The following DPF3 variants were observed in gnomAD, a reference collection of about 807,000 sequenced individuals.
DPF3 encodes the protein zinc finger protein DPF3.
Under a neutral mutation model 56.8 loss-of-function variants are expected in DPF3, and 18 were observed. The ratio of observed to expected loss-of-function variants is 0.32; its 90% confidence interval spans 0.22 to 0.47. DPF3 has a LOEUF of 0.47. DPF3 is among the 20% of genes least tolerant of loss of function. The pLI, the probability that DPF3 is intolerant of heterozygous loss-of-function variation, is 1.00. For synonymous variants in DPF3, 188 were observed against 180.2 expected, an observed-to-expected ratio of 1.04 and a Z score of -0.35; for missense variants, 403 against 488.8, an observed-to-expected ratio of 0.82 and a Z score of 1.65.
At chr14:72,823,722 G>A (rs2140038702) in intron 1 of DPF3, among the ~76,000 whole-genome samples, 1 of 152,300 alleles carries the variant, frequency 6.6e-6, no homozygotes, top group Non-Finnish European at 1.5e-5. Flanking sequence ...GGGCTAGGGA[G>A]GTGTATGAGT....
chr14:72,756,822 C>CAGAAAGAG lies in DPF3; in HGVS notation c.194-3452_194-3451insCTCTTTCT, dbSNP rs1197343194. Among the ~76,000 whole-genome samples the CAGAAAGAG allele has an allele frequency of 1.1e-3, 77 of 70,060 alleles. 1 individual carries two copies. Among genetic ancestry groups the CAGAAAGAG allele is most frequent in the South Asian group, 3.8e-3 (7 of 1,820 alleles). The allele number at this position is 70,060 out of a possible 152,430, so 46.0% of individuals were successfully genotyped here. ...CAAGATTCTGTGAAAGAAAGAAAGACAGAAAGAAAGAAAGAAAGAAAGAAA... is the reference window on the plus strand; with the variant it reads ...CAAGATTCTGTGAAAGAAAGAAAGACAGAAAGAGAGAAAGAAAGAAAGAAAGAAAGAAA... On this transcript the variant is annotated intron_variant, in intron 2 of 10. Transcript: ENST00000556509.
intron 1 of DPF3, among the ~76,000 whole-genome samples, chr14:72,850,251 G>A (rs919509212): frequency 2.0e-5 from 3 of 152,180 alleles, no homozygotes; most frequent in African/African-American, 4.8e-5. Flanking sequence ...TGGGTTGAAT[G>A]TGAACATCCT....
chr14:72,712,174 C>G (rs766189929), intron 6 of DPF3, among the ~76,000 whole-genome samples: 4 of 151,980 alleles, frequency 2.6e-5, no homozygotes, highest in Non-Finnish European at 4.4e-5. Context: ...TGCCGTCAGG[C>G]CTCCCAGGCA....
Position 72,616,513 on chromosome 14 carries a change from G to A in DPF3, c.*2784C>T, listed in dbSNP as rs929182439. 1.3e-5 allele frequency among the ~76,000 whole-genome samples: 2 copies of A among 152,180 alleles called. No individual in the cohort carries two copies. Among genetic ancestry groups the A allele is most frequent in the Non-Finnish European group, 2.9e-5 (2 of 68,036 alleles). On this transcript the variant is annotated 3_prime_UTR_variant, in exon 11 of 11. Coordinates refer to ENST00000556509, the MANE Select transcript of DPF3 (RefSeq NM_001280542.3). ...TAACATTGGCTAATGCACACAAGAA[G>A]GCGGACATGGAAAACATCCGGAGTT...
At chr14:72,782,203 A>G (rs1218367331) in intron 1 of DPF3, among the ~76,000 whole-genome samples, 1 of 150,896 alleles carries the variant, frequency 6.6e-6, no homozygotes, top group Non-Finnish European at 1.5e-5. Context: ...TCTATAGTCA[A>G]TTCTCTATAC....
chr14:72,749,209 A>G (rs1234612930), intron 3 of DPF3, among the ~76,000 whole-genome samples: 16 of 152,248 alleles, frequency 1.1e-4, no homozygotes, highest in Non-Finnish European at 1.8e-4. Flanking sequence ...TTGCATCAGC[A>G]TGACCTGGAT....
At chr14:72,704,656 C>T (rs1323924335) in intron 6 of DPF3, among the ~76,000 whole-genome samples, 1 of 152,196 alleles carries the variant, frequency 6.6e-6, no homozygotes, top group East Asian at 1.9e-4. Flanking sequence ...TTTCCACCAA[C>T]TCATATGTCA....
intron 1 of DPF3, among the ~76,000 whole-genome samples, chr14:72,786,194 C>T (rs945259914): frequency 5.3e-5 from 8 of 151,652 alleles, no homozygotes; most frequent in Admixed American, 2.0e-4. Context: ...ACCCGGGAAG[C>T]GGAGGTTGCA....
intron 4 of DPF3, among the ~76,000 whole-genome samples, chr14:72,725,021 G>A (rs1445084570): frequency 6.6e-6 from 1 of 151,994 alleles, no homozygotes; most frequent in Non-Finnish European, 1.5e-5. Context: ...CTGGCCACCT[G>A]GGGGTTTCTT....
chr14:72,758,843 C>T (rs547776215), intron 2 of DPF3, among the ~76,000 whole-genome samples: 6 of 152,202 alleles, frequency 3.9e-5, no homozygotes, highest in Non-Finnish European at 7.4e-5. Flanking sequence ...TTAAATATGT[C>T]CCAAAACAAT....
chr14:72,884,953 T>TATATATATATATATATACATAC (rs1555516753), intron 1 of DPF3, among the ~76,000 whole-genome samples: 1 of 73,780 alleles, frequency 1.4e-5, no homozygotes, highest in Non-Finnish European at 2.9e-5. Context: ...TATATATATA[T>TATATATATATATATATACATAC]ATATATATAT....
At chr14:72,777,773 G>A (rs1429431284) in intron 1 of DPF3, among the ~76,000 whole-genome samples, 1 of 152,082 alleles carries the variant, frequency 6.6e-6, no homozygotes, top group African/African-American at 2.4e-5. Context: ...CATGTGACAT[G>A]CCTCCTCCCC....
chr14:72,779,087 C>T (rs1891865192), intron 1 of DPF3, among the ~76,000 whole-genome samples: 1 of 152,198 alleles, frequency 6.6e-6, no homozygotes, highest in African/African-American at 2.4e-5. Flanking sequence ...CAGCACAGAG[C>T]CTGGCACATA....
chr14:72,769,461 C>G (rs932114258), intron 2 of DPF3, among the ~76,000 whole-genome samples: 1 of 152,154 alleles, frequency 6.6e-6, no homozygotes, highest in African/African-American at 2.4e-5. Context: ...GCAGGCGGAT[C>G]ATGAGGTCAA....
At chr14:72,833,184 G>C (rs1485196151) in intron 1 of DPF3, among the ~76,000 whole-genome samples, 1 of 152,228 alleles carries the variant, frequency 6.6e-6, no homozygotes, top group Non-Finnish European at 1.5e-5. Flanking sequence ...CTGAGCGGGA[G>C]TGAACTGATA....
At chr14:72,868,638 T>C (rs1465836953) in intron 1 of DPF3, among the ~76,000 whole-genome samples, 1 of 152,114 alleles carries the variant, frequency 6.6e-6, no homozygotes, top group African/African-American at 2.4e-5. Flanking sequence ...GGAGGCAAAC[T>C]GCTCAGTGCT....
chr14:72,760,965 ATAATAT>A (rs2076489437), intron 2 of DPF3, among the ~76,000 whole-genome samples: 1 of 152,104 alleles, frequency 6.6e-6, no homozygotes, highest in Non-Finnish European at 1.5e-5. Context: ...TTCAGATAAA[ATAATAT>A]TAATAGAGAT....
intron 8 of DPF3, chr14:72,662,477 AGTTT>A (rs1246942478): frequency 6.1e-6 from 6 of 983,884 alleles, no homozygotes; most frequent in South Asian, 9.4e-5. Flanking sequence ...TTTTTCCATC[AGTTT>A]GTTTGTGTTC....
intron 1 of DPF3, chr14:72,892,724 G>A: frequency 1.0e-6 from 1 of 996,738 alleles, no homozygotes; most frequent in East Asian, 1.0e-4. Flanking sequence ...CCCCCCACCC[G>A]ACCTGCACCT....
Sources: allele counts gnomAD v4.1 joint callset (sites outside exome capture counted in the v4.1 genomes callset), GRCh38; gene constraint gnomAD v4.1.1; transcripts MANE v1.5; gene names NCBI Gene and HGNC (gene_info 2026-07-23, HGNC 2026-07-21).